The following SERPINI1 variants were observed in gnomAD, a reference collection of about 807,000 sequenced individuals.
The protein encoded by SERPINI1 is serpin family I member 1.
In SERPINI1, 19 loss-of-function variants were observed where a neutral mutation model predicts 41.1. The ratio of observed to expected loss-of-function variants is 0.46; its 90% CI spans 0.32 to 0.68. The LOEUF (loss-of-function observed/expected upper bound fraction) is 0.68. SERPINI1 is among the 30% of genes least tolerant of loss of function. SERPINI1 has a pLI of 0.03. For missense variants in SERPINI1, 460 were observed against 479.2 expected, an observed-to-expected ratio of 0.96 and a Z score of 0.37; for synonymous variants, 138 against 156.6, an observed-to-expected ratio of 0.88 and a Z score of 0.89.
intron 1 of SERPINI1, among the ~76,000 whole-genome samples, chr3:167,766,187 T>A (rs1726561046): frequency 6.7e-6 from 1 of 149,092 alleles, no homozygotes; most frequent in Non-Finnish European, 1.5e-5. Context: ...ATTTTCATGC[T>A]GCTGATAAAT....
chr3:167,799,641 T>C (rs1727837804), intron 5 of SERPINI1, among the ~76,000 whole-genome samples: 1 of 152,238 alleles, frequency 6.6e-6, no homozygotes. Flanking sequence ...ATGGTTGAAC[T>C]AATTTACACT....
chr3:167,766,358 G>A (rs941515968), intron 1 of SERPINI1, among the ~76,000 whole-genome samples: 1 of 152,094 alleles, frequency 6.6e-6, no homozygotes, highest in South Asian at 2.1e-4. Context: ...GAGAGAGCTT[G>A]TGCAGGGGAA....
At chr3:167,751,616 A>G (rs1726051156) in intron 1 of SERPINI1, among the ~76,000 whole-genome samples, 1 of 152,212 alleles carries the variant, frequency 6.6e-6, no homozygotes, top group South Asian at 2.1e-4. Context: ...GATTTATCAG[A>G]GAATAGTGTT....
intron 1 of SERPINI1, among the ~76,000 whole-genome samples, chr3:167,784,094 A>T (rs1274369160): frequency 6.6e-6 from 1 of 152,058 alleles, no homozygotes; most frequent in Non-Finnish European, 1.5e-5. Flanking sequence ...TTTCCCCAGT[A>T]AGAAAAACCT....
At chr3:167,741,987 G>A (rs1725692694) in intron 1 of SERPINI1, among the ~76,000 whole-genome samples, 3 of 151,914 alleles carry the variant, frequency 2.0e-5, no homozygotes, top group African/African-American at 4.8e-5. Flanking sequence ...AACAAAGTTT[G>A]TTTTTGTATT....
At chr3:167,805,490 G>A (rs762096905) in intron 5 of SERPINI1, among the ~76,000 whole-genome samples, 10 of 152,280 alleles carry the variant, frequency 6.6e-5, no homozygotes, top group East Asian at 3.9e-4. Context: ...TCTGTAGGCT[G>A]CTTGTTCACT....
Position 167,825,237 on chromosome 3 carries a change from A to C in SERPINI1, c.1157-10A>C. 1.3e-6 allele frequency: 2 copies of C among 1,595,180 alleles called. No individual in the cohort carries two copies. Reference sequence around the variant, plus strand: ...CACCCCCTCTTTTGTTTACTTCTGAACCAATACAGGTACAATTCTATTCAT... The same window carrying C: ...CACCCCCTCTTTTGTTTACTTCTGACCCAATACAGGTACAATTCTATTCAT... On this transcript the variant is annotated splice_polypyrimidine_tract_variant and intron_variant, in intron 8 of 8. Coordinates refer to ENST00000446050, the MANE Select transcript of SERPINI1 (RefSeq NM_001122752.2).
At chr3:167,750,491 G>A (rs746931805) in intron 1 of SERPINI1, among the ~76,000 whole-genome samples, 6 of 152,198 alleles carry the variant, frequency 3.9e-5, no homozygotes, top group Non-Finnish European at 7.4e-5. Flanking sequence ...TGTGTATCAT[G>A]TGAAGGCTAT....
chr3:167,808,161 T>TAAATAAATAAATAAAC, intron 6 of SERPINI1, among the ~76,000 whole-genome samples: 1 of 149,322 alleles, frequency 6.7e-6, no homozygotes, highest in South Asian at 2.1e-4. Flanking sequence ...AATAAATAAA[T>TAAATAAATAAATAAAC]AGTGGTTTTA....
intron 1 of SERPINI1, among the ~76,000 whole-genome samples, chr3:167,766,057 C>T (rs1559999976): frequency 6.6e-6 from 1 of 152,140 alleles, no homozygotes; most frequent in Non-Finnish European, 1.5e-5. Flanking sequence ...CTGTCTTCTT[C>T]TGAGCCCTCC....
intron 4 of SERPINI1, among the ~76,000 whole-genome samples, chr3:167,794,308 G>T (rs1727642671): frequency 6.6e-6 from 1 of 151,508 alleles, no homozygotes; most frequent in South Asian, 2.1e-4. Flanking sequence ...TGAATTTTAG[G>T]GCCTATTTTC....
At chr3:167,751,795 C>T (rs1726055991) in intron 1 of SERPINI1, among the ~76,000 whole-genome samples, 1 of 151,786 alleles carries the variant, frequency 6.6e-6, no homozygotes. Context: ...ATAATAAAGC[C>T]TCCAATATTA....
At chr3:167,785,007 C>G (rs1349073616) in intron 1 of SERPINI1, among the ~76,000 whole-genome samples, 1 of 152,178 alleles carries the variant, frequency 6.6e-6, no homozygotes, top group Non-Finnish European at 1.5e-5. Context: ...CTTTGGGAGG[C>G]CGAGGCGGGT....
chr3:167,756,050 A>G (rs1294888302), intron 1 of SERPINI1, among the ~76,000 whole-genome samples: 1 of 145,816 alleles, frequency 6.9e-6, no homozygotes, highest in East Asian at 2.2e-4. Context: ...CCACCCCCTG[A>G]CCCCTGCCCC....
chr3:167,796,744 T>A (rs1392418424), intron 5 of SERPINI1, among the ~76,000 whole-genome samples: 6 of 151,960 alleles, frequency 3.9e-5, no homozygotes, highest in Admixed American at 3.9e-4. Context: ...CATTTTTTTT[T>A]TATCTGGTCT....
intron 1 of SERPINI1, among the ~76,000 whole-genome samples, chr3:167,773,771 G>A (rs1726870977): frequency 6.6e-6 from 1 of 152,142 alleles, no homozygotes; most frequent in South Asian, 2.1e-4. Flanking sequence ...GTCAATGTCA[G>A]GGAAATTTTT....
intron 6 of SERPINI1, among the ~76,000 whole-genome samples, chr3:167,818,004 A>G (rs928156351): frequency 6.7e-6 from 1 of 148,876 alleles, no homozygotes; most frequent in Non-Finnish European, 1.5e-5. Flanking sequence ...TTTAGGATAG[A>G]TGGAAATATT....
rs755188629 is a variant in SERPINI1 at position 167,792,679 on chromosome 3, A to C, written c.571A>C (p.Lys191Gln). 4 of 1,613,858 alleles carry C rather than the reference A, an allele frequency of 2.5e-6. No homozygotes were observed. Among genetic ancestry groups the C allele is most frequent in the Non-Finnish European group, 3.4e-6 (4 of 1,179,894 alleles). The change falls in exon 4 of 9, where the codon AAG (lysine) becomes CAG (glutamine). Residue 191 changes from lysine (K) to glutamine (Q), a missense_variant. Physicochemically the swap from Lys to Gln is moderately conservative, Grantham distance 53. Transcript: ENST00000446050. ...TGCTGTCTATTTCAAGGGGAACTGG[A>C]AGTCGCAGTTTAGGCCTGAAAATAC... ...INAVYFKGNW[K>Q]SQFRPENTRT...
Position 167,792,665 on chromosome 3 carries a change from T to G in SERPINI1, c.557T>G (p.Phe186Cys). 6.2e-7 allele frequency: 1 copy of G among 1,613,860 alleles called. No individual in the cohort carries two copies. Among genetic ancestry groups the G allele is most frequent in the Non-Finnish European group, 8.5e-7 (1 of 1,179,906 alleles). Residue 186 changes from phenylalanine to cysteine, a missense_variant, in exon 4 of 9, where the codon TTC becomes TGC. Transcript: ENST00000446050. ...CTGGCCCTCATTAATGCTGTCTATT[T>G]CAAGGGGAACTGGAAGTCGCAGTTT... ...TYLALINAVY[F>C]KGNWKSQFRP...
Sources: gnomAD v4.1 joint callset for allele counts (sites outside exome capture counted in the v4.1 genomes callset) on GRCh38, gnomAD v4.1.1 for gene constraint, MANE v1.5 for transcripts, NCBI Gene and HGNC (gene_info 2026-07-23, HGNC 2026-07-21) for gene names.